The following SERPINB3 variants were observed in gnomAD, a reference collection of about 807,000 sequenced individuals.
SERPINB3 encodes the protein serpin B3.
A neutral mutation model predicts 33.0 loss-of-function variants in SERPINB3; 33 were observed. The observed-to-expected ratio is 1.00, with a 90% CI of 0.76 to 1.34. The LOEUF (loss-of-function observed/expected upper bound fraction) is 1.34, where lower values mean the gene tolerates loss of function less well. SERPINB3 is among the 40% of genes most tolerant of loss of function. The probability of loss-of-function intolerance (pLI) is 0.00; values close to 1 mark genes in which losing one functional copy is unlikely to be tolerated. For synonymous variants in SERPINB3, 200 were observed against 170.9 expected (o/e 1.17, Z -1.33); for missense variants, 518 against 461.5 (o/e 1.12, Z -1.12).
Position 63,657,342 on chromosome 18 carries a change from G to A in SERPINB3, c.540C>T (p.Ile180=), listed in dbSNP as rs1272781615. 8 of 1,610,214 alleles carry A rather than the reference G, an allele frequency of 5.0e-6. No homozygotes were observed. The Admixed American group carries it at 1.2e-4, about 24-fold the overall frequency. The change falls in exon 6 of 8, where the codon ATC becomes ATT. Residue 180 remains isoleucine, a synonymous_variant. Transcript: ENST00000283752. ...SNTTLVLVNA[I]YFKGQWEKKF... ...TCTTCTCCCACTGCCCTTTGAAATAGATTGCGTTCACAAGAACCAATGTGG... is the reference window on the plus strand; with the variant it reads ...TCTTCTCCCACTGCCCTTTGAAATAAATTGCGTTCACAAGAACCAATGTGG...
chr18:63,655,580 C>A lies in SERPINB3; in HGVS notation c.*77G>T. On this transcript the variant is annotated 3_prime_UTR_variant, in exon 8 of 8. Transcript: ENST00000283752. ...GAAAAGAAATATGAGCCAAGAGAATCTGTTGTTGCCAGCAATCAGTTTACC... is the reference window on the plus strand; with the variant it reads ...GAAAAGAAATATGAGCCAAGAGAATATGTTGTTGCCAGCAATCAGTTTACC... The A allele has an allele frequency of 3.5e-6, 5 of 1,433,986 alleles. No homozygotes were observed. Among genetic ancestry groups the A allele is most frequent in the Non-Finnish European group, 4.7e-6 (5 of 1,060,258 alleles). 88.8% of individuals were successfully genotyped at this position (1,433,986 alleles called of 1,614,324 possible).
Position 63,655,908 on chromosome 18 carries a change from A to G in SERPINB3, c.922T>C (p.Phe308Leu). 1.2e-6 allele frequency: 2 copies of G among 1,613,960 alleles called. No homozygotes were observed. The highest frequency in any genetic ancestry group is 1.7e-6 in the Non-Finnish European group (2 of 1,179,946). ...CCTGAGAGGTCTGCATCCCCATTGA[A>G]GATATCCACCATTCCCATGGTTCTC... ...TLRTMGMVDI[F>L]NGDADLSGMT... Residue 308 changes from phenylalanine to leucine, a missense_variant, in exon 8 of 8, where the codon TTC (phenylalanine) becomes CTC (leucine). Phe to Leu is a conservative substitution (Grantham distance 22). Coordinates refer to ENST00000283752, the MANE Select transcript of SERPINB3 (RefSeq NM_006919.3).
At chr18:63,660,937 C>G in intron 2 of SERPINB3, 81 bp from the exon 3 acceptor site, 1 of 1,611,464 alleles carries the variant, frequency 6.2e-7, no homozygotes, top group Non-Finnish European at 8.5e-7. Context: ...TACGGGAATT[C>G]CTGCTCAGCC....
rs769321016 is a variant in SERPINB3 at position 63,657,339 on chromosome 18, A to C, written c.543T>G (p.Tyr181Ter). The C allele has an allele frequency of 6.2e-7, 1 of 1,610,802 alleles. No homozygotes were observed. Among genetic ancestry groups the C allele is most frequent in the Non-Finnish European group, 8.5e-7 (1 of 1,177,818 alleles). Residue 181 changes from tyrosine to a stop codon, truncating the protein, a stop_gained, in exon 6 of 8, where the codon TAT becomes TAG. Coordinates refer to ENST00000283752, the MANE Select transcript of SERPINB3 (RefSeq NM_006919.3). LOFTEE classifies it high-confidence loss of function. ...NTTLVLVNAI[Y>*]FKGQWEKKFN... ...ATTTCTTCTCCCACTGCCCTTTGAA[A>C]TAGATTGCGTTCACAAGAACCAATG...
rs1401975710 is a variant in SERPINB3 at position 63,657,396 on chromosome 18, T to A, written c.486A>T (p.Leu162=). ...ESQTNEKIKN[L]IPEGNIGSNT... ...TGCTGCCAATATTACCTTCAGGAAT[T>A]AGGTTTTTAATTTTTTCTGCAAGGG... The change falls in exon 6 of 8, where the codon CTA becomes CTT. Residue 162 remains leucine, a synonymous_variant. Transcript: ENST00000283752. The A allele has an allele frequency of 1.1e-5, 17 of 1,601,144 alleles. No individual in the cohort carries two copies. Among genetic ancestry groups the A allele is most frequent in the Non-Finnish European group, 1.4e-5 (17 of 1,174,636 alleles).
chr18:63,660,864 A>T lies in SERPINB3; in HGVS notation c.166-8T>A. The T allele has an allele frequency of 5.6e-6, 9 of 1,613,342 alleles. No individual in the cohort carries two copies. Among genetic ancestry groups the T allele is most frequent in the Non-Finnish European group, 7.6e-6 (9 of 1,179,582 alleles). ...TTGATCAAAGTGAAGAACCTGGAAG[A>T]GACATGAAGCGGGACAAGAAAACTT... On this transcript the variant is annotated splice_region_variant and splice_polypyrimidine_tract_variant and intron_variant, in intron 2 of 7. Coordinates refer to ENST00000283752, the MANE Select transcript of SERPINB3 (RefSeq NM_006919.3).
intron 4 of SERPINB3, 37 bp from the exon 5 acceptor site, chr18:63,658,667 T>C (rs753634744): frequency 2.2e-5 from 33 of 1,502,124 alleles, no homozygotes; most frequent in African/African-American, 2.1e-4. Flanking sequence ...GAAGTAAGAG[T>C]AATTTATGTA....
intron 7 of SERPINB3, 84 bp downstream of exon 7, chr18:63,656,747 C>A: frequency 1.4e-6 from 2 of 1,444,872 alleles, no homozygotes; most frequent in South Asian, 3.2e-5. Context: ...GCAACTCGGT[C>A]ACCAGCTTTT....
rs1315232223 is a variant in SERPINB3, at chr18:63,655,632, A to G, written c.*25T>C. 8.3e-6 allele frequency: 13 copies of G among 1,567,746 alleles called. No individual in the cohort carries two copies. Among genetic ancestry groups the G allele is most frequent in the Non-Finnish European group, 9.5e-6 (11 of 1,153,110 alleles). On this transcript the variant is annotated 3_prime_UTR_variant, in exon 8 of 8. Coordinates refer to ENST00000283752, the MANE Select transcript of SERPINB3 (RefSeq NM_006919.3). ...GAACATCTGCAGGTGAACATTTTCC[A>G]AATGGAGTGACAGACTAATTGCATC...
At chr18:63,658,482 A>G (rs1285447215) in intron 5 of SERPINB3, 31 bp downstream of exon 5, 1 of 1,576,552 alleles carries the variant, frequency 6.3e-7, no homozygotes, top group Non-Finnish European at 8.7e-7. Flanking sequence ...AGATTTCTCA[A>G]AGGTGTTTCT....
chr18:63,659,948 T>C (rs1238682486), intron 3 of SERPINB3, among the ~76,000 whole-genome samples: 1 of 152,232 alleles, frequency 6.6e-6, no homozygotes, highest in Admixed American at 6.5e-5. Context: ...AGCCCTGTTA[T>C]ACCTGTTGGT....
In SERPINB3 at chr18:63,659,471, G is replaced by A. The variant is rs1162465398; in HGVS notation, c.279C>T (p.Asn93=). ...HQFQKLLTEF[N]KSTDAYELKI... Reference sequence around the variant, plus strand: ...TCAGCTCATATGCATCAGTGGATTTGTTGAATTCAGTCAGAAGCTTTTGAA... The same window carrying A: ...TCAGCTCATATGCATCAGTGGATTTATTGAATTCAGTCAGAAGCTTTTGAA... Residue 93 remains asparagine (N), a synonymous_variant, in exon 4 of 8, where the codon AAC becomes AAT. Transcript: ENST00000283752. The A allele has an allele frequency of 6.2e-7, 1 of 1,613,602 alleles. No individual in the cohort carries two copies.
chr18:63,659,967 C>G (rs573575387), intron 3 of SERPINB3, among the ~76,000 whole-genome samples: 39 of 152,282 alleles, frequency 2.6e-4, no homozygotes, highest in Non-Finnish European at 5.3e-4. Flanking sequence ...GTGCTGTTAT[C>G]TTGTAGGACA....
At position 63,659,505 on chromosome 18, in the gene SERPINB3, T is replaced by C. The variant is rs561873006; in HGVS notation, c.245A>G (p.His82Arg). 2.6e-5 allele frequency: 42 copies of C among 1,613,504 alleles called. No individual in the cohort carries two copies. In the Middle Eastern group the frequency reaches 4.9e-4, roughly 19 times the overall value. Residue 82 changes from histidine (H) to arginine (R), a missense_variant, in exon 4 of 8, where the codon CAT becomes CGT. By Grantham distance (29) the His-to-Arg change is conservative. Transcript: ENST00000283752. ...AGTCAGAAGCTTTTGAAACTGGTGA[T>C]GAACATTTCCTGACCTATCAACCTT... is the stretch of plus-strand genomic sequence containing the variant. ...TYHVDRSGNVHHQFQKLLTEF... is the reference protein window; with the variant it reads ...TYHVDRSGNVRHQFQKLLTEF...
chr18:63,657,790 A>C (rs1173204555), intron 5 of SERPINB3, among the ~76,000 whole-genome samples: 2 of 134,074 alleles, frequency 1.5e-5, no homozygotes, highest in Non-Finnish European at 3.2e-5. Context: ...TTTTTTTTTT[A>C]ACTACGGGGT....
At chr18:63,657,157 C>CA in intron 6 of SERPINB3, 113 bp downstream of exon 6, 1 of 904,042 alleles carries the variant, frequency 1.1e-6, no homozygotes, top group Non-Finnish European at 1.6e-6. Context: ...AAGACTAAAA[C>CA]AACAAAAAAA....
rs1288123238 is a variant in SERPINB3, at chr18:63,656,018, C to T, written c.812G>A (p.Ser271Asn). The T allele has an allele frequency of 1.9e-6, 3 of 1,613,830 alleles. No homozygotes were observed. The South Asian group carries it at 3.3e-5, about 18-fold the overall frequency. Residue 271 changes from serine (S) to asparagine (N), a missense_variant, in exon 8 of 8, where the codon AGT (serine) becomes AAT (asparagine). Ser to Asn is a conservative substitution (Grantham distance 46). Transcript: ENST00000283752. ...ACGTGTCTCTCTCATATTCTGCAAA[C>T]TTGTCCATTCCATCAATTTCTCAGC... The part of the protein sequence containing the change: ...LTAEKLMEWT[S>N]LQNMRETRVD...
chr18:63,660,495 C>T (rs1913612415), intron 3 of SERPINB3, among the ~76,000 whole-genome samples: 1 of 152,122 alleles, frequency 6.6e-6, no homozygotes, highest in Non-Finnish European at 1.5e-5. Context: ...GATGAGGTCA[C>T]TGGGACTCTG....
chr18:63,661,301 G>A (rs2144498647), intron 1 of SERPINB3, 59 bp from the exon 2 acceptor site: 2 of 1,486,672 alleles, frequency 1.3e-6, no homozygotes, highest in East Asian at 4.6e-5. Flanking sequence ...GTATTTTGTA[G>A]TACAATTTTC....
Sources: allele counts gnomAD v4.1 joint callset (sites outside exome capture counted in the v4.1 genomes callset), GRCh38; gene constraint gnomAD v4.1.1; transcripts MANE v1.5; gene names NCBI Gene and HGNC (gene_info 2026-07-23, HGNC 2026-07-21).